Variants in RCN3 observed in about 807,000 individuals in gnomAD.
The protein encoded by RCN3 is reticulocalbin-3.
RCN3 carries 41 observed loss-of-function variants against 35.9 expected under a neutral mutation model. The ratio of observed to expected loss-of-function variants is 1.14; its 90% confidence interval spans 0.89 to 1.48. The LOEUF (loss-of-function observed/expected upper bound fraction) is 1.48, where lower values mean the gene tolerates loss of function less well. RCN3 is among the 40% of genes most tolerant of loss of function. RCN3 has a pLI of 0.00. For synonymous variants in RCN3, 187 were observed against 193.4 expected, an observed-to-expected ratio of 0.97 and a Z score of 0.27; for missense variants, 451 against 471.3, an observed-to-expected ratio of 0.96 and a Z score of 0.40.
At chr19:49,535,907 TAC>T (rs1425132009) in intron 3 of RCN3, among the ~76,000 whole-genome samples, 2 of 148,402 alleles carry the variant, frequency 1.3e-5, no homozygotes. Flanking sequence ...GATATAGATA[TAC>T]ACACACATAC....
Position 49,534,326 on chromosome 19 carries a change from G to A in RCN3, c.376G>A (p.Asp126Asn), listed in dbSNP as rs900873213. ...DSVSAAWDTYDTDRDGRVGWE... is the reference protein window; with the variant it reads ...DSVSAAWDTYNTDRDGRVGWE... ...GGTGAGCGCGGCCTGGGACACGTAC[G>A]ACACGGACCGCGACGGGCGTGTGGG... The change falls in exon 3 of 7, where the codon GAC (aspartate) becomes AAC (asparagine). Residue 126 changes from aspartate (D) to asparagine (N), a missense_variant. Asp to Asn is a conservative substitution (Grantham distance 23). Coordinates refer to ENST00000270645, the MANE Select transcript of RCN3 (RefSeq NM_020650.3). 12 of 1,517,176 alleles carry A rather than the reference G, an allele frequency of 7.9e-6. No homozygotes were observed. Among genetic ancestry groups the A allele is most frequent in the Non-Finnish European group, 1.1e-5 (12 of 1,134,552 alleles). 94.0% of individuals were successfully genotyped at this position (1,517,176 alleles called of 1,614,324 possible). A position where few individuals can be genotyped will look rare whatever the true frequency, so the allele number is the denominator to read the frequency against.
chr19:49,538,024 C>T (rs114859764), intron 4 of RCN3, among the ~76,000 whole-genome samples: 1,580 of 150,276 alleles, frequency 0.011, 21 homozygotes, highest in East Asian at 0.057. Flanking sequence ...CAGGGCCTAA[C>T]TCTGTTACCC....
chr19:49,535,861 A>ATAT (rs569935429), intron 3 of RCN3, among the ~76,000 whole-genome samples: 21 of 142,740 alleles, frequency 1.5e-4, no homozygotes, highest in Admixed American at 7.7e-4. Context: ...AAAAAAAAAA[A>ATAT]ATATATATAT....
rs755266647 is a variant in RCN3 at position 49,542,523 on chromosome 19, T to G, written c.680-30T>G. On this transcript the variant is annotated intron_variant, in intron 5 of 6. Transcript: ENST00000270645. ...TCCACTAGACCCCCAGAGCTGCCCC[T>G]GACCTTGTCCCCTCTGTCCCGGCCC... The G allele has an allele frequency of 7.2e-6, 11 of 1,535,890 alleles. No individual in the cohort carries two copies. In the East Asian group the frequency reaches 2.6e-4, roughly 37 times the overall value.
chr19:49,541,463 A>AT, intron 5 of RCN3, among the ~76,000 whole-genome samples: 1 of 152,088 alleles, frequency 6.6e-6, no homozygotes, highest in Middle Eastern at 3.4e-3. Flanking sequence ...AATGTATAAA[A>AT]TTGGGGTGGG....
intron 2 of RCN3, among the ~76,000 whole-genome samples, chr19:49,532,461 C>T (rs1011308129): frequency 2.6e-5 from 4 of 151,596 alleles, no homozygotes; most frequent in Non-Finnish European, 5.9e-5. Context: ...CTGCAACCTA[C>T]GCCTCCTGGG....
In RCN3 at chr19:49,543,451, C is replaced by T. The variant is rs147658547; in HGVS notation, c.*238C>T. 3.1e-3 allele frequency: 1,710 copies of T among 546,236 alleles called. 31 individuals are homozygous for T. Among genetic ancestry groups the T allele is most frequent in the African/African-American group, 0.029 (1,542 of 52,620 alleles). 33.8% of individuals were successfully genotyped at this position (546,236 alleles called of 1,614,324 possible). A position where few individuals can be genotyped will look rare whatever the true frequency, so the allele number is the denominator to read the frequency against. ...GCAATACCTATTTCTGACTGAGTCT[C>T]CCAGCCCAGACCCAGGGACCCTTGG... On this transcript the variant is annotated 3_prime_UTR_variant, in exon 7 of 7. Transcript: ENST00000270645.
In RCN3 at chr19:49,543,535, C is replaced by T; in HGVS notation, c.*322C>T. The T allele has an allele frequency of 5.5e-6, 2 of 360,418 alleles. No homozygotes were observed. The highest frequency in any genetic ancestry group is 5.3e-6 in the Non-Finnish European group (1 of 190,324). 22.3% of individuals were successfully genotyped at this position (360,418 alleles called of 1,614,324 possible). On this transcript the variant is annotated 3_prime_UTR_variant, in exon 7 of 7. Coordinates refer to ENST00000270645, the MANE Select transcript of RCN3 (RefSeq NM_020650.3). ...CTCCAGCTCCAAATCTGAGCCTCCA[C>T]CACATAGACTGAAACTCCCCTGGCC... is the stretch of plus-strand genomic sequence containing the variant.
chr19:49,541,850 C>T (rs1304254083), intron 5 of RCN3, among the ~76,000 whole-genome samples: 3 of 147,226 alleles, frequency 2.0e-5, no homozygotes, highest in South Asian at 4.3e-4. Context: ...TGTGGTGGCA[C>T]GCACCTGTAA....
chr19:49,534,102 G>A (rs2080122201), intron 2 of RCN3, 91 bp from the exon 3 acceptor site: 2 of 1,249,476 alleles, frequency 1.6e-6, no homozygotes, highest in South Asian at 1.6e-5. Flanking sequence ...TTCAGCCCCG[G>A]ATCCGAAGTG....
intron 4 of RCN3, among the ~76,000 whole-genome samples, chr19:49,538,529 C>A (rs2122734643): frequency 6.6e-6 from 1 of 151,974 alleles, no homozygotes; most frequent in South Asian, 2.1e-4. Flanking sequence ...CCAGGCTAGT[C>A]TCAAAATCCT....
chr19:49,536,030 A>G (rs927088525), intron 3 of RCN3, among the ~76,000 whole-genome samples: 1 of 147,904 alleles, frequency 6.8e-6, no homozygotes, highest in African/African-American at 2.5e-5. Context: ...CTTGTTGCCC[A>G]GGCTGGAGTG....
chr19:49,534,265 G>T lies in RCN3; in HGVS notation c.315G>T (p.Trp105Cys). The change falls in exon 3 of 7, where the codon TGG becomes TGT. Residue 105 changes from tryptophan (W) to cysteine (C), a missense_variant. Physicochemically the swap from Trp to Cys is radical, Grantham distance 215. Transcript: ENST00000270645. The stretch of plus-strand genomic sequence containing the variant: ...TGTCGCTGGCCGAGCTTCGCGCGTG[G>T]ATCGCGCACACGCAGCAGCGGCACA... ...GWVSLAELRA[W>C]IAHTQQRHIR... The T allele has an allele frequency of 6.8e-7, 1 of 1,465,296 alleles. No homozygotes were observed. 90.8% of individuals were successfully genotyped at this position (1,465,296 alleles called of 1,614,324 possible).
chr19:49,539,718 ATTTTT>A (rs58021494), intron 5 of RCN3, among the ~76,000 whole-genome samples: 11,034 of 119,076 alleles, frequency 0.093, 517 homozygotes, highest in Middle Eastern at 0.14. Context: ...CTAACAAGGA[ATTTTT>A]TTTTTTTTTT....
rs777910956 is a variant in RCN3, at chr19:49,535,849, CAAA to C, written c.446-1173_446-1171del. On this transcript the variant is annotated intron_variant, in intron 3 of 6. Transcript: ENST00000270645. Reference sequence around the variant, plus strand: ...TTGGCGACAGAGTGAGACTCTGTCTCAAAAAAAAAAAAATATATATATATATAG... The same window carrying C: ...TTGGCGACAGAGTGAGACTCTGTCTCAAAAAAAAAATATATATATATATAG... 4.9e-3 allele frequency among the ~76,000 whole-genome samples: 534 copies of C among 108,020 alleles called. 2 individuals are homozygous for C. Among genetic ancestry groups the C allele is most frequent in the African/African-American group, 0.017 (497 of 29,216 alleles). The allele number at this position is 108,020 out of a possible 152,430, so 70.9% of individuals were successfully genotyped here.
intron 1 of RCN3, 62 bp downstream of exon 1, chr19:49,528,120 C>T: frequency 4.0e-6 from 1 of 249,682 alleles, no homozygotes; most frequent in Non-Finnish European, 7.6e-6. Flanking sequence ...GGACCAGGGT[C>T]CGGACTGGGA....
In RCN3 at chr19:49,542,565, C is replaced by T; in HGVS notation, c.692C>T (p.Ser231Leu). 1.9e-6 allele frequency: 3 copies of T among 1,599,678 alleles called. No homozygotes were observed. The highest frequency in any genetic ancestry group is 2.6e-6 in the Non-Finnish European group (3 of 1,173,932). The part of the protein sequence containing the change: ...QVEEYIADLY[S>L]AEPGEEEPAW... ...TCCCGGCCCCCAGCGGATCTGTACT[C>T]AGCCGAGCCTGGGGAGGAGGAGCCG... Residue 231 changes from serine (S) to leucine (L), a missense_variant, in exon 6 of 7, where the codon TCA becomes TTA. Coordinates refer to ENST00000270645, the MANE Select transcript of RCN3 (RefSeq NM_020650.3).
Position 49,528,957 on chromosome 19 carries a change from C to T in RCN3, c.242+243C>T, listed in dbSNP as rs62128089. Among the ~76,000 whole-genome samples, 9 of 151,896 alleles carry T rather than the reference C, an allele frequency of 5.9e-5. No individual in the cohort carries two copies. In the South Asian group the frequency reaches 1.0e-3, roughly 18 times the overall value. ...AGCACTTTGGGAGGCCAAGGCAGGC[C>T]GATCACTTGAGGTCAGGAGTTCGAG... On this transcript the variant is annotated intron_variant, in intron 2 of 6. Coordinates refer to ENST00000270645, the MANE Select transcript of RCN3 (RefSeq NM_020650.3).
intron 5 of RCN3, among the ~76,000 whole-genome samples, chr19:49,541,623 C>T (rs957581418): frequency 2.0e-5 from 3 of 152,038 alleles, no homozygotes; most frequent in African/African-American, 7.2e-5. Context: ...GTGGCGGGTA[C>T]CTGTAATCCC....
Sources: allele counts gnomAD v4.1 joint callset (sites outside exome capture counted in the v4.1 genomes callset), GRCh38; gene constraint gnomAD v4.1.1; transcripts MANE v1.5; gene names NCBI Gene and HGNC (gene_info 2026-07-23, HGNC 2026-07-21).